Variants in KANSL1L observed in about 807,000 individuals in gnomAD.
KANSL1L encodes the protein KAT8 regulatory NSL complex subunit 1-like protein.
KANSL1L carries 25 observed loss-of-function variants against 108.6 expected under a neutral mutation model. That is an observed-to-expected ratio of 0.23 (90% CI 0.17 to 0.32). The LOEUF is 0.32. KANSL1L is among the 10% of genes least tolerant of loss of function. The probability of loss-of-function intolerance (pLI) is 1.00; values close to 1 mark genes in which losing one functional copy is unlikely to be tolerated. For missense variants in KANSL1L, 1,137 were observed against 1,125.7 expected (o/e 1.01, Z -0.14); for synonymous variants, 405 against 395.1 (o/e 1.03, Z -0.30).
chr2:210,048,050 A>G (rs370935868), intron 6 of KANSL1L, among the ~76,000 whole-genome samples: 1 of 152,222 alleles, frequency 6.6e-6, no homozygotes, highest in East Asian at 1.9e-4. Context: ...CCTGCTTATA[A>G]GGGACTTTTG....
chr2:210,122,385 A>G (rs2095029790), intron 3 of KANSL1L, among the ~76,000 whole-genome samples: 1 of 152,138 alleles, frequency 6.6e-6, no homozygotes, highest in Admixed American at 6.5e-5. Flanking sequence ...ATCCATACAT[A>G]TACAGTTAAC....
Position 210,098,073 on chromosome 2 carries a change from C to A in KANSL1L, c.1550+13G>T. 2 of 1,587,356 alleles carry A rather than the reference C, an allele frequency of 1.3e-6. No individual in the cohort carries two copies. The highest frequency in any genetic ancestry group is 1.7e-6 in the Non-Finnish European group (2 of 1,167,832). ...GTTGAATTTAAAAGCTAAGCTATTC[C>A]ATTGATACCTACCTCCTGTAAATGC... On this transcript the variant is annotated intron_variant, in intron 5 of 14. Transcript: ENST00000281772.
At position 210,022,714 on chromosome 2, in the gene KANSL1L, G is replaced by C. The variant is rs1271228362; in HGVS notation, c.*235C>G. 1 of 474,342 alleles carries C rather than the reference G, an allele frequency of 2.1e-6. No individual in the cohort carries two copies. 29.4% of individuals were successfully genotyped at this position (474,342 alleles called of 1,614,324 possible). A position where few individuals can be genotyped will look rare whatever the true frequency, so the allele number is the denominator to read the frequency against. On this transcript the variant is annotated 3_prime_UTR_variant, in exon 15 of 15. Coordinates refer to ENST00000281772, the MANE Select transcript of KANSL1L (RefSeq NM_152519.4). ...TGCAGCAATTAATATCTTGGTGTTTGTAAGTAAGTTGCATGATAAACACAA... is the reference window on the plus strand; with the variant it reads ...TGCAGCAATTAATATCTTGGTGTTTCTAAGTAAGTTGCATGATAAACACAA...
At chr2:210,158,112 GTATT>G (rs1223191124) in intron 1 of KANSL1L, among the ~76,000 whole-genome samples, 1 of 152,052 alleles carries the variant, frequency 6.6e-6, no homozygotes, top group Non-Finnish European at 1.5e-5. Context: ...CACCCTCTTC[GTATT>G]CATGCCCTTG....
At chr2:210,136,104 G>A (rs557626375) in intron 2 of KANSL1L, among the ~76,000 whole-genome samples, 2 of 152,164 alleles carry the variant, frequency 1.3e-5, no homozygotes, top group East Asian at 3.9e-4. Flanking sequence ...AACTTAAAAA[G>A]GGTTCCAAAA....
intron 3 of KANSL1L, among the ~76,000 whole-genome samples, chr2:210,110,718 G>GA (rs904091273): frequency 2.0e-5 from 3 of 152,188 alleles, no homozygotes; most frequent in African/African-American, 7.2e-5. Context: ...AAATGGAAGA[G>GA]AAAAAAATTG....
At chr2:210,084,477 T>C (rs917577799) in intron 5 of KANSL1L, among the ~76,000 whole-genome samples, 1 of 152,156 alleles carries the variant, frequency 6.6e-6, no homozygotes, top group Admixed American at 6.5e-5. Flanking sequence ...GAAATAACTA[T>C]TTTAAGTATA....
intron 2 of KANSL1L, among the ~76,000 whole-genome samples, chr2:210,134,050 A>G (rs902281953): frequency 6.6e-6 from 1 of 152,130 alleles, no homozygotes; most frequent in Non-Finnish European, 1.5e-5. Context: ...AGAGAATTTT[A>G]GACTGACTTT....
chr2:210,127,929 C>A (rs2095084089), intron 3 of KANSL1L, among the ~76,000 whole-genome samples: 1 of 150,530 alleles, frequency 6.6e-6, no homozygotes, highest in African/African-American at 2.4e-5. Flanking sequence ...AAGCAAGCAA[C>A]CCAATTCAAA....
chr2:210,150,341 A>AT (rs1162282298), intron 2 of KANSL1L, among the ~76,000 whole-genome samples: 8 of 151,960 alleles, frequency 5.3e-5, no homozygotes, highest in African/African-American at 1.5e-4. Context: ...GTAAAAAAAA[A>AT]TTTTTTTTCT....
At position 210,129,057 on chromosome 2, in the gene KANSL1L, T is replaced by C. The variant is rs758466992; in HGVS notation, c.1204A>G (p.Ile402Val). Residue 402 changes from isoleucine (I) to valine (V), a missense_variant, in exon 3 of 15, where the codon ATT (isoleucine) becomes GTT (valine). Physicochemically the swap from Ile to Val is conservative, Grantham distance 29 (BLOSUM62 3). Transcript: ENST00000281772. Reference sequence around the variant, plus strand: ...TTGGAGGCACGAATTTGCCTGTGAATGTCTGTTAGTTGTTGGATTTTGCAT... The same window carrying C: ...TTGGAGGCACGAATTTGCCTGTGAACGTCTGTTAGTTGTTGGATTTTGCAT... ...LECKIQQLTD[I>V]HRQIRASKGI... The C allele has an allele frequency of 9.3e-6, 15 of 1,613,774 alleles. No individual in the cohort carries two copies. Among genetic ancestry groups the C allele is most frequent in the East Asian group, 4.5e-5 (2 of 44,868 alleles).
chr2:210,085,311 A>C (rs1240614619), intron 5 of KANSL1L, among the ~76,000 whole-genome samples: 1 of 152,226 alleles, frequency 6.6e-6, no homozygotes, highest in Non-Finnish European at 1.5e-5. Flanking sequence ...ATGTGGGTTC[A>C]CTTTACTATG....
At chr2:210,143,481 C>T (rs1251178193) in intron 2 of KANSL1L, among the ~76,000 whole-genome samples, 1 of 152,038 alleles carries the variant, frequency 6.6e-6, no homozygotes, top group Non-Finnish European at 1.5e-5. Flanking sequence ...TTATTATTGC[C>T]TTTGTGTTCA....
At chr2:210,079,323 C>T (rs2094564447) in intron 5 of KANSL1L, among the ~76,000 whole-genome samples, 1 of 151,806 alleles carries the variant, frequency 6.6e-6, no homozygotes, top group Non-Finnish European at 1.5e-5. Context: ...CGGCTGGGCG[C>T]AGTGGCTCAC....
chr2:210,164,832 T>C (rs1003388627), intron 1 of KANSL1L, among the ~76,000 whole-genome samples: 12 of 151,314 alleles, frequency 7.9e-5, no homozygotes, highest in African/African-American at 2.9e-4. Context: ...TTCTTGGGTA[T>C]AAATTTTACT....
chr2:210,143,832 A>G lies in KANSL1L; in HGVS notation c.1088+9663T>C, dbSNP rs370184461. Reference sequence around the variant, plus strand: ...GACAAATTATTGTAGCTATTATTTTAATAGCTTTGTCTTTTAATTATAATA... The same window carrying G: ...GACAAATTATTGTAGCTATTATTTTGATAGCTTTGTCTTTTAATTATAATA... On this transcript the variant is annotated intron_variant, in intron 2 of 14. Transcript: ENST00000281772. Among the ~76,000 whole-genome samples, 26 of 152,268 alleles carry G rather than the reference A, an allele frequency of 1.7e-4. No homozygotes were observed. The South Asian group carries it at 2.9e-3, about 17-fold the overall frequency.
chr2:210,122,145 A>G (rs2095027214), intron 3 of KANSL1L, among the ~76,000 whole-genome samples: 1 of 152,194 alleles, frequency 6.6e-6, no homozygotes, highest in Middle Eastern at 3.2e-3. Flanking sequence ...TCTCTATCAA[A>G]GTACCACTGA....
intron 12 of KANSL1L, chr2:210,026,536 C>T (rs111414415): frequency 1.1e-4 from 17 of 152,226 alleles, no homozygotes; most frequent in African/African-American, 4.1e-4. Context: ...ATTACTTTTA[C>T]GCCCGAGACT....
chr2:210,050,199 C>T (rs187684288), intron 6 of KANSL1L, among the ~76,000 whole-genome samples: 339 of 152,076 alleles, frequency 2.2e-3, no homozygotes, highest in African/African-American at 7.7e-3. Context: ...TGAAACAACA[C>T]CAGGCAAATT....
Sources: gnomAD v4.1 joint callset for allele counts (sites outside exome capture counted in the v4.1 genomes callset) on GRCh38, gnomAD v4.1.1 for gene constraint, MANE v1.5 for transcripts, NCBI Gene and HGNC (gene_info 2026-07-23, HGNC 2026-07-21) for gene names.